ZHX2: variants seen among roughly 807,000 people sequenced by gnomAD.
ZHX2 encodes zinc fingers and homeoboxes protein 2.
Under a neutral mutation model 21.9 loss-of-function variants are expected in ZHX2, and 6 were observed. The observed-to-expected ratio is 0.27, with a 90% CI of 0.15 to 0.54. The LOEUF is 0.54. ZHX2 is among the 20% of genes least tolerant of loss of function. ZHX2 has a pLI of 0.95. For synonymous variants in ZHX2, 434 were observed against 437.1 expected (o/e 0.99, Z 0.09); for missense variants, 908 against 1,090.7 (o/e 0.83, Z 2.36).
intron 2 of ZHX2, among the ~76,000 whole-genome samples, chr8:122,914,763 T>C (rs16897633): frequency 0.04 from 6,039 of 152,330 alleles, 387 homozygotes; most frequent in African/African-American, 0.14. Flanking sequence ...TTATCTGAGC[T>C]TTTTCATCTC....
At chr8:122,970,334 C>T (rs959056085) in intron 3 of ZHX2, among the ~76,000 whole-genome samples, 10 of 152,350 alleles carry the variant, frequency 6.6e-5, no homozygotes, top group Non-Finnish European at 1.3e-4. Flanking sequence ...GCTCACTTTC[C>T]ATTTTCCATT....
chr8:122,818,298 T>TAA (rs61376383), intron 1 of ZHX2, among the ~76,000 whole-genome samples: 5,301 of 144,968 alleles, frequency 0.037, 307 homozygotes, highest in African/African-American at 0.12. Flanking sequence ...TAAGGAAAAT[T>TAA]AAAAAAAAAA....
chr8:122,823,507 A>G (rs75079243), intron 1 of ZHX2, among the ~76,000 whole-genome samples: 1 of 152,344 alleles, frequency 6.6e-6, no homozygotes, highest in African/African-American at 2.4e-5. Flanking sequence ...TAAGACTCCT[A>G]CATGAAAGGT....
rs771818495 is a variant in ZHX2 at position 122,951,784 on chromosome 8, G to C, written c.274G>C (p.Glu92Gln). 28 of 1,614,114 alleles carry C rather than the reference G, an allele frequency of 1.7e-5. No individual in the cohort carries two copies. The highest frequency in any genetic ancestry group is 1.6e-4 in the Middle Eastern group (1 of 6,062). ...YCPYSTQNLN[E>Q]FTEHVDMQHP... is the part of the protein sequence containing the mutation. ...CCCCTACTCCACGCAAAACCTGAACGAGTTCACGGAGCATGTCGACATGCA... is the reference window on the plus strand; with the variant it reads ...CCCCTACTCCACGCAAAACCTGAACCAGTTCACGGAGCATGTCGACATGCA... Residue 92 changes from glutamate (E) to glutamine (Q), a missense_variant, in exon 3 of 4, where the codon GAG becomes CAG. Coordinates refer to ENST00000314393, the MANE Select transcript of ZHX2 (RefSeq NM_014943.5).
chr8:122,883,307 C>T (rs1338769174), intron 2 of ZHX2, among the ~76,000 whole-genome samples: 1 of 152,176 alleles, frequency 6.6e-6, no homozygotes, highest in Non-Finnish European at 1.5e-5. Context: ...TGACACCACA[C>T]TCATAACACC....
intron 1 of ZHX2, among the ~76,000 whole-genome samples, chr8:122,859,979 C>T (rs1456400613): frequency 6.6e-6 from 1 of 152,148 alleles, no homozygotes; most frequent in Admixed American, 6.5e-5. Flanking sequence ...GTACCTGTAT[C>T]AGTCCATTTT....
chr8:122,845,095 CAA>C (rs1279286774), intron 1 of ZHX2, among the ~76,000 whole-genome samples: 1 of 152,180 alleles, frequency 6.6e-6, no homozygotes, highest in African/African-American at 2.4e-5. Context: ...CACAGACAGA[CAA>C]AGAGAATTGG....
chr8:122,887,081 G>A (rs1310869974), intron 2 of ZHX2, among the ~76,000 whole-genome samples: 1 of 150,182 alleles, frequency 6.7e-6, no homozygotes, highest in Non-Finnish European at 1.5e-5. Flanking sequence ...GTGTGTGTGT[G>A]TGTGTGTGTG....
At chr8:122,945,253 G>GATCATA in intron 2 of ZHX2, among the ~76,000 whole-genome samples, 1 of 151,292 alleles carries the variant, frequency 6.6e-6, no homozygotes, top group East Asian at 1.9e-4. Context: ...CAGGGTTCTG[G>GATCATA]CTCATACTCA....
At chr8:122,914,425 A>G (rs778592942) in intron 2 of ZHX2, among the ~76,000 whole-genome samples, 2 of 152,220 alleles carry the variant, frequency 1.3e-5, no homozygotes, top group Non-Finnish European at 2.9e-5. Flanking sequence ...CCTTCGACTG[A>G]CAAAGCACAA....
chr8:122,801,014 T>G (rs1226751026), intron 1 of ZHX2, among the ~76,000 whole-genome samples: 1 of 152,246 alleles, frequency 6.6e-6, no homozygotes, highest in African/African-American at 2.4e-5. Context: ...TGTGTATAAC[T>G]TTAACAGCAT....
chr8:122,802,985 T>G (rs1817749750), intron 1 of ZHX2, among the ~76,000 whole-genome samples: 2 of 128,230 alleles, frequency 1.6e-5, no homozygotes, highest in Admixed American at 8.4e-5. Flanking sequence ...GTTAGCGCTC[T>G]AGGGGACCAG....
intron 2 of ZHX2, among the ~76,000 whole-genome samples, chr8:122,932,195 G>A (rs189628636): frequency 6.6e-6 from 1 of 152,330 alleles, no homozygotes; most frequent in Admixed American, 6.5e-5. Context: ...AGGTGGAGTG[G>A]AGTGAGATGA....
At chr8:122,914,366 G>T (rs1278782058) in intron 2 of ZHX2, among the ~76,000 whole-genome samples, 2 of 152,224 alleles carry the variant, frequency 1.3e-5, no homozygotes, top group Non-Finnish European at 2.9e-5. Flanking sequence ...ATGGTGAAGT[G>T]GGGGGAGAAA....
At chr8:122,900,612 G>C (rs1476469773) in intron 2 of ZHX2, among the ~76,000 whole-genome samples, 4 of 152,164 alleles carry the variant, frequency 2.6e-5, no homozygotes, top group Admixed American at 6.5e-5. Context: ...GATATCTGAG[G>C]CTCAGTGACA....
intron 1 of ZHX2, among the ~76,000 whole-genome samples, chr8:122,849,955 A>G (rs1177787703): frequency 6.6e-6 from 1 of 152,186 alleles, no homozygotes; most frequent in Non-Finnish European, 1.5e-5. Context: ...TACTACGATC[A>G]TCATCACCAT....
At chr8:122,875,291 A>G (rs1034524951) in intron 2 of ZHX2, among the ~76,000 whole-genome samples, 1 of 151,398 alleles carries the variant, frequency 6.6e-6, no homozygotes, top group African/African-American at 2.4e-5. Flanking sequence ...CTGTGGGCTA[A>G]GAATGGTATT....
At chr8:122,790,276 A>C (rs911252644) in intron 1 of ZHX2, among the ~76,000 whole-genome samples, 1 of 152,224 alleles carries the variant, frequency 6.6e-6, no homozygotes, top group African/African-American at 2.4e-5. Context: ...AATTGGCCCA[A>C]GGTTATACAG....
intron 1 of ZHX2, among the ~76,000 whole-genome samples, chr8:122,834,122 T>G (rs1185637400): frequency 6.6e-6 from 1 of 152,174 alleles, no homozygotes; most frequent in Non-Finnish European, 1.5e-5. Context: ...GGGTGGGTCC[T>G]GAAAAATTAG....
Sources: gnomAD v4.1 joint callset for allele counts (sites outside exome capture counted in the v4.1 genomes callset) on GRCh38, gnomAD v4.1.1 for gene constraint, MANE v1.5 for transcripts, NCBI Gene and HGNC (gene_info 2026-07-23, HGNC 2026-07-21) for gene names.